SLC6A17: variants seen among roughly 807,000 people sequenced by gnomAD.
SLC6A17 encodes the protein solute carrier family 6 member 17, also known as sodium-dependent neutral amino acid transporter SLC6A17.
A neutral mutation model predicts 64.5 loss-of-function variants in SLC6A17; 21 were observed. That is an observed-to-expected ratio of 0.33 (90% CI 0.23 to 0.47). The LOEUF (loss-of-function observed/expected upper bound fraction) is 0.47. Among genes scored for constraint, SLC6A17 ranks in the 20% least tolerant of loss-of-function variants. The pLI is 1.00. For missense variants in SLC6A17, 682 were observed against 963.2 expected (o/e 0.71, Z 3.86); for synonymous variants, 372 against 399.5 (o/e 0.93, Z 0.82).
chr1:110,189,472 C>T (rs1570999689), intron 6 of SLC6A17, among the ~76,000 whole-genome samples: 3 of 152,224 alleles, frequency 2.0e-5, no homozygotes, highest in Non-Finnish European at 4.4e-5. Flanking sequence ...TTAGCAAAGC[C>T]ACTGTCCCCT....
At chr1:110,172,336 G>A in intron 3 of SLC6A17, 119 bp downstream of exon 3, 2 of 1,291,498 alleles carry the variant, frequency 1.5e-6, no homozygotes, top group Non-Finnish European at 2.1e-6. Flanking sequence ...GCAGGGAGGG[G>A]GATCCTCAAC....
At position 110,194,753 on chromosome 1, in the gene SLC6A17, C is replaced by A; in HGVS notation, c.1474C>A (p.Pro492Thr). 3 of 1,613,760 alleles carry A rather than the reference C, an allele frequency of 1.9e-6. No homozygotes were observed. The highest frequency in any genetic ancestry group is 4.5e-5 in the East Asian group (2 of 44,884). ...TTPIIDTFKV[P>T]KEMFTVGCCV... The stretch of plus-strand genomic sequence containing the variant: ...GCCCATCATCGACACCTTCAAGGTG[C>A]CCAAGGAGATGTTCACAGGTAACTC... Residue 492 changes from proline to threonine, a missense_variant, in exon 9 of 12, where the codon CCC (proline) becomes ACC (threonine). By Grantham distance (38) the Pro-to-Thr change is conservative (BLOSUM62 -1). Coordinates refer to ENST00000331565, the MANE Select transcript of SLC6A17 (RefSeq NM_001010898.4).
intron 3 of SLC6A17, 147 bp from the exon 4 acceptor site, chr1:110,173,826 A>G: frequency 8.6e-7 from 1 of 1,161,440 alleles, no homozygotes; most frequent in Non-Finnish European, 1.2e-6. Context: ...GAGCTCCTCC[A>G]CGGCCCGCAC....
chr1:110,183,946 A>T lies in SLC6A17; in HGVS notation c.864+7207A>T, dbSNP rs1300924265. Among the ~76,000 whole-genome samples the T allele has an allele frequency of 2.6e-5, 4 of 152,176 alleles. No individual in the cohort carries two copies. The East Asian group carries it at 7.7e-4, about 29-fold the overall frequency. On this transcript the variant is annotated intron_variant, in intron 6 of 11. Transcript: ENST00000331565. ...AAATGTGTGGGCAGTGGCAGCACGAAGGGCCCCCTGGAGGCTAGGGGTCAG... is the reference window on the plus strand; with the variant it reads ...AAATGTGTGGGCAGTGGCAGCACGATGGGCCCCCTGGAGGCTAGGGGTCAG...
At chr1:110,172,368 G>A in intron 3 of SLC6A17, 151 bp downstream of exon 3, 1 of 1,020,476 alleles carries the variant, frequency 9.8e-7, no homozygotes, top group East Asian at 2.7e-5. Flanking sequence ...TCACAGCTGG[G>A]GTTCCAGGAC....
chr1:110,173,913 C>T (rs1656305836), intron 3 of SLC6A17, 60 bp from the exon 4 acceptor site: 49 of 1,584,586 alleles, frequency 3.1e-5, no homozygotes, highest in Admixed American at 1.6e-4. Context: ...TCGGGTGGAG[C>T]GTGGGGGCAG....
chr1:110,176,814 AT>A, intron 6 of SLC6A17, 75 bp downstream of exon 6: 1 of 1,241,438 alleles, frequency 8.1e-7, no homozygotes, highest in Non-Finnish European at 1.2e-6. Flanking sequence ...CTGCAATTTC[AT>A]GGAATTTAAT....
intron 10 of SLC6A17, 113 bp from the exon 11 acceptor site, chr1:110,197,324 G>A: frequency 7.3e-7 from 1 of 1,371,376 alleles, no homozygotes; most frequent in Non-Finnish European, 1.0e-6. Context: ...GAATAGAAGA[G>A]CCCAGGAGGG....
At chr1:110,163,054 G>A (rs1031783019) in intron 1 of SLC6A17, among the ~76,000 whole-genome samples, 8 of 151,546 alleles carry the variant, frequency 5.3e-5, no homozygotes, top group Non-Finnish European at 8.8e-5. Context: ...GGTTTTAAGC[G>A]GTCTCAAGCT....
At chr1:110,186,992 G>GT (rs779412657) in intron 6 of SLC6A17, among the ~76,000 whole-genome samples, 12 of 152,188 alleles carry the variant, frequency 7.9e-5, no homozygotes, top group Non-Finnish European at 1.5e-4. Context: ...TTGAAGAGGA[G>GT]TAAGTTACCT....
At chr1:110,197,966 G>C (rs1657014701) in intron 11 of SLC6A17, 110 bp from the exon 12 acceptor site, 1 of 1,491,132 alleles carries the variant, frequency 6.7e-7, no homozygotes, top group Non-Finnish European at 8.9e-7. Context: ...ATGGTGGGAG[G>C]GGAGAGGAGT....
In SLC6A17 at chr1:110,174,136, C is replaced by T. The variant is rs1199534582; in HGVS notation, c.571+37C>T. On this transcript the variant is annotated intron_variant, in intron 4 of 11. Coordinates refer to ENST00000331565, the MANE Select transcript of SLC6A17 (RefSeq NM_001010898.4). ...GCCCAGCTGGGGATGCCAGCCAGCC[C>T]TGTCCCAGGAAGGGGTCTCACAAGC... The T allele has an allele frequency of 1.9e-6, 3 of 1,608,754 alleles. No individual in the cohort carries two copies. The African/African-American group carries it at 4.0e-5, about 22-fold the overall frequency.
At chr1:110,152,317 C>A (rs755406547) in intron 1 of SLC6A17, among the ~76,000 whole-genome samples, 2 of 152,200 alleles carry the variant, frequency 1.3e-5, no homozygotes, top group African/African-American at 2.4e-5. Context: ...TTCAGCGAAT[C>A]CCTGAAGCTC....
intron 6 of SLC6A17, among the ~76,000 whole-genome samples, chr1:110,180,511 G>A (rs979398687): frequency 6.6e-6 from 1 of 152,188 alleles, no homozygotes; most frequent in Non-Finnish European, 1.5e-5. Context: ...GGCAAGTGAG[G>A]CCAATGGTGA....
At position 110,177,378 on chromosome 1, in the gene SLC6A17, TCA is replaced by T. The variant is rs570340568; in HGVS notation, c.864+642_864+643del. Reference sequence around the variant, plus strand: ...GATGAGCAGGATCACTGTTCACATTTCACAAAGGGTGCAGCAGAGGCACGGGC... The same window carrying T: ...GATGAGCAGGATCACTGTTCACATTTCAAAGGGTGCAGCAGAGGCACGGGC... On this transcript the variant is annotated intron_variant, in intron 6 of 11. Coordinates refer to ENST00000331565, the MANE Select transcript of SLC6A17 (RefSeq NM_001010898.4). 3.9e-3 allele frequency among the ~76,000 whole-genome samples: 594 copies of T among 152,296 alleles called. 5 individuals carry two copies. Among genetic ancestry groups the T allele is most frequent in the African/African-American group, 0.014 (573 of 41,546 alleles).
chr1:110,195,575 G>GCT lies in SLC6A17; in HGVS notation c.1493-6_1493-5dup. 2 of 1,613,878 alleles carry GCT rather than the reference G, an allele frequency of 1.2e-6. No homozygotes were observed. The highest frequency in any genetic ancestry group is 2.2e-5 in the South Asian group (2 of 91,050). On this transcript the variant is annotated splice_polypyrimidine_tract_variant and intron_variant, in intron 9 of 11. Transcript: ENST00000331565. ...CCTTTGCCCCCAAACCGGCCTCCCG[G>GCT]CTCTCTGTAGTGGGCTGCTGTGTCT... is the stretch of plus-strand genomic sequence containing the variant.
At chr1:110,179,004 C>G (rs1656443801) in intron 6 of SLC6A17, among the ~76,000 whole-genome samples, 1 of 152,188 alleles carries the variant, frequency 6.6e-6, no homozygotes, top group Non-Finnish European at 1.5e-5. Flanking sequence ...TTCTGCATAC[C>G]TTTAACCTTT....
intron 6 of SLC6A17, among the ~76,000 whole-genome samples, chr1:110,185,227 A>T (rs574140089): frequency 6.6e-6 from 1 of 152,346 alleles, no homozygotes; most frequent in East Asian, 1.9e-4. Flanking sequence ...CACCTCCCCA[A>T]TGGGGTTGTC....
intron 6 of SLC6A17, among the ~76,000 whole-genome samples, chr1:110,189,689 G>A (rs552273117): frequency 2.0e-5 from 3 of 152,030 alleles, no homozygotes; most frequent in South Asian, 2.1e-4. Flanking sequence ...CCCCCACCTC[G>A]TCCTCACTGC....
Sources: allele counts gnomAD v4.1 joint callset (sites outside exome capture counted in the v4.1 genomes callset), GRCh38; gene constraint gnomAD v4.1.1; transcripts MANE v1.5; gene names NCBI Gene and HGNC (gene_info 2026-07-23, HGNC 2026-07-21).